Variants in GLG1 observed in about 807,000 individuals in gnomAD.
The protein encoded by GLG1 is Golgi apparatus protein 1.
In GLG1, 38 loss-of-function variants were observed where a neutral mutation model predicts 160.5. The observed-to-expected ratio is 0.24, with a 90% CI of 0.18 to 0.31. The LOEUF (loss-of-function observed/expected upper bound fraction) is 0.31. Ranked by LOEUF, GLG1 falls within the 10% of genes least tolerant of loss-of-function variation. GLG1 has a pLI of 1.00. For missense variants in GLG1, 1,373 were observed against 1,505.2 expected, an observed-to-expected ratio of 0.91 and a Z score of 1.45; for synonymous variants, 644 against 543.4, an observed-to-expected ratio of 1.19 and a Z score of -2.57.
chr16:74,554,939 C>A (rs2018312288), intron 1 of GLG1, among the ~76,000 whole-genome samples: 1 of 152,166 alleles, frequency 6.6e-6, no homozygotes, highest in Non-Finnish European at 1.5e-5. Context: ...TTGCCAGAAC[C>A]CAGGAGTTTG....
chr16:74,488,680 T>C (rs1422210136), intron 8 of GLG1, among the ~76,000 whole-genome samples: 2 of 152,128 alleles, frequency 1.3e-5, no homozygotes, highest in Non-Finnish European at 2.9e-5. Context: ...AGTGCAGTAG[T>C]GTGATCTCAG....
chr16:74,575,590 G>C (rs957324380), intron 1 of GLG1, among the ~76,000 whole-genome samples: 2 of 151,906 alleles, frequency 1.3e-5, no homozygotes, highest in African/African-American at 4.8e-5. Flanking sequence ...AAGATCTCTC[G>C]CTCTGTTTTT....
At chr16:74,530,610 C>T (rs1392475480) in intron 2 of GLG1, among the ~76,000 whole-genome samples, 2 of 151,394 alleles carry the variant, frequency 1.3e-5, no homozygotes, top group East Asian at 3.9e-4. Context: ...TACACACATC[C>T]TTATCAATAC....
chr16:74,606,557 G>T, intron 1 of GLG1, 100 bp downstream of exon 1: 2 of 991,568 alleles, frequency 2.0e-6, no homozygotes, highest in Non-Finnish European at 3.0e-6. Context: ...CACAGAGGAA[G>T]CAAGGAAAGC....
Position 74,486,168 on chromosome 16 carries a change from G to A in GLG1, c.1450-251C>T, listed in dbSNP as rs550170243. On this transcript the variant is annotated intron_variant, in intron 8 of 25. Coordinates refer to ENST00000422840, the MANE Select transcript of GLG1 (RefSeq NM_001145667.2). Reference sequence around the variant, plus strand: ...CTTATCTTTGTTCTCAGTAATCCCTGGAGGTCTTTACAACATGAATATGAA... The same window carrying A: ...CTTATCTTTGTTCTCAGTAATCCCTAGAGGTCTTTACAACATGAATATGAA... Among the ~76,000 whole-genome samples, 9 of 152,266 alleles carry A rather than the reference G, an allele frequency of 5.9e-5. No homozygotes were observed. In the South Asian group the frequency reaches 1.9e-3, roughly 32 times the overall value.
intron 7 of GLG1, among the ~76,000 whole-genome samples, chr16:74,491,796 G>A (rs1257049849): frequency 6.6e-6 from 1 of 151,566 alleles, no homozygotes; most frequent in South Asian, 2.1e-4. Context: ...CTGCCACCAC[G>A]CCCGGCTAAT....
chr16:74,570,960 T>G (rs2018808238), intron 1 of GLG1, among the ~76,000 whole-genome samples: 1 of 151,964 alleles, frequency 6.6e-6, no homozygotes, highest in Non-Finnish European at 1.5e-5. Context: ...TTTGGTCTTT[T>G]TTTTTTTTTA....
At chr16:74,566,807 T>C (rs1397006074) in intron 1 of GLG1, among the ~76,000 whole-genome samples, 1 of 152,132 alleles carries the variant, frequency 6.6e-6, no homozygotes, top group Non-Finnish European at 1.5e-5. Flanking sequence ...AAGTAGAAGA[T>C]ACAACAAATT....
intron 1 of GLG1, among the ~76,000 whole-genome samples, chr16:74,561,686 T>C (rs1034986740): frequency 1.3e-5 from 2 of 152,234 alleles, no homozygotes; most frequent in Non-Finnish European, 2.9e-5. Flanking sequence ...ATAACCCATT[T>C]AATGAACAGT....
At position 74,606,890 on chromosome 16, in the gene GLG1, A is replaced by T; in HGVS notation, c.205T>A (p.Ser69Thr). Residue 69 changes from serine (S) to threonine (T), a missense_variant, in exon 1 of 26, where the codon TCA becomes ACA. Ser to Thr is a moderately conservative substitution (Grantham distance 58, BLOSUM62 1). Coordinates refer to ENST00000422840, the MANE Select transcript of GLG1 (RefSeq NM_001145667.2). ...AGQQLPQLPQ[S>T]SQLQQQQQQQ... Reference sequence around the variant, plus strand: ...TGCTGTTGCTGCTGAAGCTGCGATGACTGAGGCAGCTGGGGCAGCTGCTGA... The same window carrying T: ...TGCTGTTGCTGCTGAAGCTGCGATGTCTGAGGCAGCTGGGGCAGCTGCTGA... 5.6e-6 allele frequency: 9 copies of T among 1,602,332 alleles called. No individual in the cohort carries two copies. Among genetic ancestry groups the T allele is most frequent in the Non-Finnish European group, 7.7e-6 (9 of 1,175,706 alleles).
At position 74,469,044 on chromosome 16, in the gene GLG1, G is replaced by C. The variant is rs755322680; in HGVS notation, c.2338C>G (p.Leu780Val). 1 of 1,613,570 alleles carries C rather than the reference G, an allele frequency of 6.2e-7. No homozygotes were observed. The highest frequency in any genetic ancestry group is 8.5e-7 in the Non-Finnish European group (1 of 1,179,420). Residue 780 changes from leucine to valine, a missense_variant, in exon 17 of 26, where the codon CTG becomes GTG. This residue lies in a region of GLG1 where 491 missense variants were observed against 632.1 expected (regional missense o/e 0.78). Transcript: ENST00000422840. ...GTGTCATTGCGCACGGTCGTGCTCA[G>C]GCAGATCACCACGTCCACCCTGCAG... ...IKKKVDVVICLSTTVRNDTLQ... is the reference protein window; with the variant it reads ...IKKKVDVVICVSTTVRNDTLQ...
chr16:74,602,702 G>C (rs1014146171), intron 1 of GLG1, among the ~76,000 whole-genome samples: 6 of 152,118 alleles, frequency 3.9e-5, no homozygotes, highest in African/African-American at 1.4e-4. Context: ...AAAATCGCTT[G>C]AACTCGGGAG....
intron 2 of GLG1, among the ~76,000 whole-genome samples, chr16:74,513,368 T>C (rs1266002302): frequency 6.6e-6 from 1 of 152,114 alleles, no homozygotes; most frequent in African/African-American, 2.4e-5. Flanking sequence ...GTCAGCCTAC[T>C]GGGAGACACC....
chr16:74,492,321 T>TGTA (rs569162660), intron 7 of GLG1, among the ~76,000 whole-genome samples: 37 of 149,580 alleles, frequency 2.5e-4, no homozygotes, highest in Non-Finnish European at 4.4e-4. Flanking sequence ...GAGCTGAGAT[T>TGTA]GTGCCACTGC....
In GLG1 at chr16:74,469,028, C is replaced by T. The variant is rs767759663; in HGVS notation, c.2354G>A (p.Arg785His). The T allele has an allele frequency of 3.2e-5, 51 of 1,613,710 alleles. No individual in the cohort carries two copies. Among genetic ancestry groups the T allele is most frequent in the South Asian group, 2.2e-5 (2 of 91,082 alleles). Residue 785 changes from arginine (R) to histidine (H), a missense_variant, in exon 17 of 26, where the codon CGC (arginine) becomes CAC (histidine). Transcript: ENST00000422840. ...DVVICLSTTV[R>H]NDTLQEAKEH... ...CTTGGCTTCCTGCAGAGTGTCATTG[C>T]GCACGGTCGTGCTCAGGCAGATCAC...
At chr16:74,603,122 G>A (rs539871339) in intron 1 of GLG1, among the ~76,000 whole-genome samples, 99 of 142,110 alleles carry the variant, frequency 7.0e-4, no homozygotes, top group African/African-American at 2.4e-3. Flanking sequence ...AGCAGCAGCA[G>A]CAGCAGCAGC....
Position 74,471,231 on chromosome 16 carries a change from T to C in GLG1, c.2171A>G (p.Asn724Ser). Residue 724 changes from asparagine to serine, a missense_variant, in exon 15 of 26, where the codon AAC (asparagine) becomes AGC (serine). Transcript: ENST00000422840. ...SGDLMECLIQ[N>S]KHQKDMNEKC... ...CTCGTTCATGTCCTTCTGGTGTTTG[T>C]TCTGTATCAGACACTCCATCAGGTC... 6.2e-7 allele frequency: 1 copy of C among 1,613,176 alleles called. No homozygotes were observed. Among genetic ancestry groups the C allele is most frequent in the Non-Finnish European group, 8.5e-7 (1 of 1,179,102 alleles).
chr16:74,478,638 G>A (rs1455477278), intron 11 of GLG1, among the ~76,000 whole-genome samples: 1 of 152,134 alleles, frequency 6.6e-6, no homozygotes, highest in Non-Finnish European at 1.5e-5. Flanking sequence ...AAGACCAGGA[G>A]CGGTGGCTCA....
chr16:74,600,735 A>C (rs1958422748), intron 1 of GLG1, among the ~76,000 whole-genome samples: 1 of 146,522 alleles, frequency 6.8e-6, no homozygotes, highest in Non-Finnish European at 1.5e-5. Context: ...CCACCTCAAA[A>C]AAAAAAAAAA....
Sources: allele counts gnomAD v4.1 joint callset (sites outside exome capture counted in the v4.1 genomes callset), GRCh38; gene constraint gnomAD v4.1.1; regional missense constraint gnomAD v4.1.1; transcripts MANE v1.5; gene names NCBI Gene and HGNC (gene_info 2026-07-23, HGNC 2026-07-21).